The following PHB2 variants were observed in gnomAD, a reference collection of about 807,000 sequenced individuals.
The protein encoded by PHB2 is prohibitin 2, also known as prohibitin-2.
A neutral mutation model predicts 46.4 loss-of-function variants in PHB2; 22 were observed. The ratio of observed to expected loss-of-function variants is 0.47; its 90% CI spans 0.34 to 0.68. PHB2 has a LOEUF of 0.68. PHB2 is among the 30% of genes least tolerant of loss of function. The pLI, the probability that PHB2 is intolerant of heterozygous loss-of-function variation, is 0.01. For synonymous variants in PHB2, 156 were observed against 150.5 expected, an observed-to-expected ratio of 1.04 and a Z score of -0.27; for missense variants, 305 against 382.8, an observed-to-expected ratio of 0.80 and a Z score of 1.70.
At position 6,965,577 on chromosome 12, in the gene PHB2, C is replaced by T. The variant is rs11541467; in HGVS notation, c.*108G>A. On this transcript the variant is annotated 3_prime_UTR_variant, in exon 10 of 10. Transcript: ENST00000535923. The stretch of plus-strand genomic sequence containing the variant: ...TCAGGGAACCGGTGTGGGGGACCAT[C>T]GCATGATACTGGGGCGGGGTAGGGC... 6.7e-3 allele frequency: 5,539 copies of T among 829,550 alleles called. 49 individuals are homozygous for T. Among genetic ancestry groups the T allele is most frequent in the Non-Finnish European group, 6.8e-3 (3,323 of 488,020 alleles). 51.4% of individuals were successfully genotyped at this position (829,550 alleles called of 1,614,324 possible). A position where few individuals can be genotyped will look rare whatever the true frequency, so the allele number is the denominator to read the frequency against.
chr12:6,968,737 C>T (rs1555151383), intron 3 of PHB2, 142 bp from the exon 4 acceptor site: 2 of 713,124 alleles, frequency 2.8e-6, no homozygotes, highest in East Asian at 2.7e-5. Flanking sequence ...ATCAGGCTGA[C>T]AAGGAAGACA....
rs1487698146 is a variant in PHB2, at chr12:6,970,122, C to T, written c.212+74G>A. On this transcript the variant is annotated intron_variant, in intron 2 of 9. Transcript: ENST00000535923. ...AAGAGCAGCGTTGAATCCTGTTGCA[C>T]GTCCGACTATAGCCACTGCTGGGTC... The T allele has an allele frequency of 7.3e-6, 8 of 1,093,656 alleles. No individual in the cohort carries two copies. The Admixed American group carries it at 1.0e-4, about 14-fold the overall frequency. The allele number at this position is 1,093,656 out of a possible 1,614,324, so 67.7% of individuals were successfully genotyped here.
upstream of PHB2, chr12:6,970,673 G>A: frequency 8.8e-7 from 1 of 1,138,886 alleles, no homozygotes; most frequent in Admixed American, 2.6e-5. Flanking sequence ...AGAAAGGGCA[G>A]CGGAAGTGCG....
At position 6,967,164 on chromosome 12, in the gene PHB2, C is replaced by T. The variant is rs1555150893; in HGVS notation, c.789+7G>A. On this transcript the variant is annotated splice_region_variant and intron_variant, in intron 7 of 9. Transcript: ENST00000535923. The surrounding 1 kb of genome is among the most constrained non-coding windows in gnomAD (Gnocchi z 4.9). ...CCCCATCAGAGACGCTGGGCTGACACACTCACCGTCTTGGAGATATTCTGG... is the reference window on the plus strand; with the variant it reads ...CCCCATCAGAGACGCTGGGCTGACATACTCACCGTCTTGGAGATATTCTGG... The T allele has an allele frequency of 6.4e-7, 1 of 1,561,922 alleles. No homozygotes were observed. Among genetic ancestry groups the T allele is most frequent in the South Asian group, 1.2e-5 (1 of 85,688 alleles).
rs782430787 is a variant in PHB2 at position 6,968,470 on chromosome 12, C to A, written c.418G>T (p.Val140Leu). Reference sequence around the variant, plus strand: ...AACTTGGCCACCACACTCTTGAGCACCTCGTTGACAATGGACGGCAACACT... The same window carrying A: ...AACTTGGCCACCACACTCTTGAGCAACTCGTTGACAATGGACGGCAACACT... ...ERVLPSIVNEVLKSVVAKFNA... is the reference protein window; with the variant it reads ...ERVLPSIVNELLKSVVAKFNA... Residue 140 changes from valine (V) to leucine (L), a missense_variant, in exon 4 of 10, where the codon GTG becomes TTG. Physicochemically the swap from Val to Leu is conservative, Grantham distance 32. Transcript: ENST00000535923. 2 of 1,613,100 alleles carry A rather than the reference C, an allele frequency of 1.2e-6. No homozygotes were observed. Among genetic ancestry groups the A allele is most frequent in the South Asian group, 1.1e-5 (1 of 90,784 alleles).
At position 6,966,492 on chromosome 12, in the gene PHB2, T is replaced by C. The variant is rs1293403121; in HGVS notation, c.798A>G (p.Thr266=). Residue 266 remains threonine, a synonymous_variant, in exon 8 of 10, where the codon ACA becomes ACG. Coordinates refer to ENST00000535923, the MANE Select transcript of PHB2 (RefSeq NM_001144831.2). ...CTGTGAGATAGATACGATTCTGTGATGTGGCGATCTACAGGGCAGGAAATA... is the reference window on the plus strand; with the variant it reads ...CTGTGAGATAGATACGATTCTGTGACGTGGCGATCTACAGGGCAGGAAATA... ...AAQNISKTIA[T]SQNRIYLTAD... The C allele has an allele frequency of 2.5e-6, 4 of 1,605,564 alleles. No individual in the cohort carries two copies. Among genetic ancestry groups the C allele is most frequent in the Admixed American group, 3.3e-5 (2 of 60,018 alleles).
At chr12:6,970,089 G>A in intron 2 of PHB2, 107 bp downstream of exon 2, 4 of 854,742 alleles carry the variant, frequency 4.7e-6, no homozygotes, top group Non-Finnish European at 6.0e-6. Flanking sequence ...GGATGAGGAG[G>A]GTGGGAAAAG....
Position 6,965,700 on chromosome 12 carries a change from G to C in PHB2, c.885C>G (p.Ile295Met). ...GTGACTAGGCTCATTTCTTACCCTT[G>C]ATGAGGCTGTCACTGTAGGAAAAAA... Reference protein sequence around the residue: ...ESFTRGSDSLIKGKK With the variant: ...ESFTRGSDSLMKGKK Residue 295 changes from isoleucine to methionine, a missense_variant, in exon 10 of 10, where the codon ATC becomes ATG. Physicochemically the swap from Ile to Met is conservative, Grantham distance 10. Around this residue, in one of 3 missense-constraint regions of PHB2, gnomAD observed 241 missense variants for 302.7 expected, o/e 0.80. Transcript: ENST00000535923. The C allele has an allele frequency of 6.2e-7, 1 of 1,611,860 alleles. No homozygotes were observed. Among genetic ancestry groups the C allele is most frequent in the Non-Finnish European group, 8.5e-7 (1 of 1,178,482 alleles).
chr12:6,969,821 A>C (rs1591703371), intron 2 of PHB2: 2 of 500,196 alleles, frequency 4.0e-6, no homozygotes, highest in East Asian at 7.7e-5. Flanking sequence ...ATCGCTTGAA[A>C]TCAGGAGGCG....
Position 6,967,682 on chromosome 12 carries a change from G to T in PHB2, c.705C>A (p.Ala235=), listed in dbSNP as rs1555151096. 3.1e-6 allele frequency: 5 copies of T among 1,611,802 alleles called. No individual in the cohort carries two copies. The Admixed American group carries it at 6.7e-5, about 22-fold the overall frequency. ...CTCTCCAGCAGAAGGATATCATCTTGGCAGCCTCGGCCTCACCCTCGGCCT... is the reference window on the plus strand; with the variant it reads ...CTCTCCAGCAGAAGGATATCATCTTTGCAGCCTCGGCCTCACCCTCGGCCT... ...IVQAEGEAEA[A]KMLGEALSKN... is the part of the protein sequence containing the mutation. The change falls in exon 6 of 10, where the codon GCC becomes GCA. Residue 235 remains alanine, a synonymous_variant. Coordinates refer to ENST00000535923, the MANE Select transcript of PHB2 (RefSeq NM_001144831.2). The surrounding 1 kb of genome is among the most constrained non-coding windows in gnomAD (Gnocchi z 4.9).
Position 6,970,582 on chromosome 12 carries a change from G to C in PHB2, c.-39C>G. The C allele has an allele frequency of 6.5e-7, 1 of 1,548,430 alleles. No individual in the cohort carries two copies. The highest frequency in any genetic ancestry group is 8.7e-7 in the Non-Finnish European group (1 of 1,153,238). On this transcript the variant is annotated 5_prime_UTR_variant, in exon 1 of 10. Transcript: ENST00000535923. ...GCCGGCGGCACTGGAGGTCAGAAGG[G>C]GGTGCCGGCCCGCCTCTACCCCGCT...
intron 8 of PHB2, 59 bp from the exon 9 acceptor site, chr12:6,965,975 T>G (rs1946205989): frequency 6.3e-7 from 1 of 1,574,976 alleles, no homozygotes; most frequent in African/African-American, 1.3e-5. Context: ...ACATGTTAAT[T>G]GACAGCTTCA....
chr12:6,968,740 G>A (rs1279123481), intron 3 of PHB2, 145 bp from the exon 4 acceptor site: 7 of 713,842 alleles, frequency 9.8e-6, no homozygotes, highest in Admixed American at 6.1e-5. Context: ...AGGCTGACAA[G>A]GAAGACAAGA....
chr12:6,970,686 C>A (rs781821666), upstream of PHB2: 5 of 1,035,162 alleles, frequency 4.8e-6, no homozygotes, highest in Non-Finnish European at 6.9e-6. Flanking sequence ...GAAGTGCGCT[C>A]CCTTTGAAAC....
Position 6,968,609 on chromosome 12 carries a change from C to A in PHB2, c.293-14G>T. On this transcript the variant is annotated splice_polypyrimidine_tract_variant and intron_variant, in intron 3 of 9. Coordinates refer to ENST00000535923, the MANE Select transcript of PHB2 (RefSeq NM_001144831.2). ...CCATCTGTAGGTCTGAGATTGAGGT[C>A]AGCAGTGGCTGGTCAAGGCCAAACA... is the stretch of plus-strand genomic sequence containing the variant. 6.2e-7 allele frequency: 1 copy of A among 1,610,946 alleles called. No individual in the cohort carries two copies. The highest frequency in any genetic ancestry group is 1.1e-5 in the South Asian group (1 of 90,638).
chr12:6,965,738 G>T, intron 9 of PHB2, 26 bp from the exon 10 acceptor site: 1 of 1,602,954 alleles, frequency 6.2e-7, no homozygotes, highest in South Asian at 1.1e-5. Flanking sequence ...GATAGATAAT[G>T]ACATTATTAG....
In PHB2 at chr12:6,967,878, C is replaced by T. The variant is rs368373550; in HGVS notation, c.607+14G>A. 32 of 1,613,080 alleles carry T rather than the reference C, an allele frequency of 2.0e-5. No homozygotes were observed. The highest frequency in any genetic ancestry group is 2.6e-5 in the Non-Finnish European group (31 of 1,179,380). ...CATCTCAGAAGCCCTCACCCCACGG[C>T]TCTTGCGACTCACCCACTTGTTTGG... On this transcript the variant is annotated intron_variant, in intron 5 of 9. Transcript: ENST00000535923. This position sits in a 1 kb window ranked among gnomAD's most constrained non-coding sequence, Gnocchi z 4.9.
At chr12:6,965,830 G>T in intron 9 of PHB2, 81 bp downstream of exon 9, 1 of 1,577,384 alleles carries the variant, frequency 6.3e-7, no homozygotes. Context: ...TGTCTTCGGG[G>T]AGGTGGGAAA....
intron 2 of PHB2, 98 bp from the exon 3 acceptor site, chr12:6,969,675 G>A: frequency 1.5e-6 from 1 of 677,406 alleles, no homozygotes; most frequent in Non-Finnish European, 2.7e-6. Context: ...CGAGGCGGGC[G>A]GATCATTTGA....
Sources: allele counts gnomAD v4.1 joint callset, GRCh38; gene constraint gnomAD v4.1.1; regional missense constraint gnomAD v4.1.1; non-coding constraint Gnocchi (gnomAD v3.1); transcripts MANE v1.5; gene names NCBI Gene and HGNC (gene_info 2026-07-23, HGNC 2026-07-21).